The following SPPL3 variants were observed in gnomAD, a reference collection of about 807,000 sequenced individuals.
SPPL3 encodes signal peptide peptidase like 3, also known as signal peptide peptidase-like 3.
In SPPL3, 5 loss-of-function variants were observed where a neutral mutation model predicts 42.4. That is an observed-to-expected ratio of 0.12 (90% CI 0.06 to 0.25). The LOEUF is 0.25. Among genes scored for constraint, SPPL3 ranks in the 10% least tolerant of loss-of-function variants. The pLI, the probability that SPPL3 is intolerant of heterozygous loss-of-function variation, is 1.00. For missense variants in SPPL3, 235 were observed against 489.0 expected, an observed-to-expected ratio of 0.48 and a Z score of 4.90; for synonymous variants, 195 against 181.8, an observed-to-expected ratio of 1.07 and a Z score of -0.58.
chr12:120,777,135 G>A (rs617540), intron 6 of SPPL3, among the ~76,000 whole-genome samples: 5,710 of 152,158 alleles, frequency 0.038, 364 homozygotes, highest in African/African-American at 0.13. Context: ...CAACTTACAT[G>A]CACTGAAAAA....
chr12:120,796,710 G>C (rs1248936686), intron 2 of SPPL3, among the ~76,000 whole-genome samples: 1 of 152,162 alleles, frequency 6.6e-6, no homozygotes, highest in South Asian at 2.1e-4. Flanking sequence ...CTCAGTCTAG[G>C]GTAATTATTC....
chr12:120,852,806 A>ATGATG lies in SPPL3; in HGVS notation c.24-41921_24-41920insCATCA. On this transcript the variant is annotated intron_variant, in intron 1 of 10. Transcript: ENST00000353487. ...TATATTTCATATATCATATATACAT[A>ATGATG]TATGAAATATATATTTCATATAATA... Among the ~76,000 whole-genome samples, 2 of 145,306 alleles carry ATGATG rather than the reference A, an allele frequency of 1.4e-5. 1 individual carries two copies. The highest frequency in any genetic ancestry group is 3.0e-5 in the Non-Finnish European group (2 of 66,210).
rs3834930 is a variant in SPPL3 at position 120,764,318 on chromosome 12, TTATA to T, written c.*677_*680del. 0.063 allele frequency: 9,638 copies of T among 152,028 alleles called. 528 individuals are homozygous for T. The highest frequency in any genetic ancestry group is 0.29 in the East Asian group (1,510 of 5,134). 9.4% of individuals were successfully genotyped at this position (152,028 alleles called of 1,614,324 possible). ...TATTCATATATATCTATGTGTGTGT[TTATA>T]TATATATATGTACGTATGTATAAAA... On this transcript the variant is annotated 3_prime_UTR_variant, in exon 11 of 11. Transcript: ENST00000353487.
At chr12:120,801,120 G>A (rs1870279138) in intron 2 of SPPL3, among the ~76,000 whole-genome samples, 1 of 152,226 alleles carries the variant, frequency 6.6e-6, no homozygotes, top group Non-Finnish European at 1.5e-5. Flanking sequence ...AATATGCATT[G>A]ATGAGGTGGA....
intron 1 of SPPL3, among the ~76,000 whole-genome samples, chr12:120,829,358 G>A (rs1263489172): frequency 6.6e-6 from 1 of 152,188 alleles, no homozygotes; most frequent in African/African-American, 2.4e-5. Context: ...CACTTTGGGA[G>A]GCCACGGCAG....
intron 1 of SPPL3, among the ~76,000 whole-genome samples, chr12:120,881,578 C>A (rs1021544441): frequency 3.4e-5 from 5 of 147,642 alleles, no homozygotes; most frequent in African/African-American, 1.3e-4. Flanking sequence ...GAACTGAAAG[C>A]AGGGTCTCGA....
chr12:120,886,537 C>A (rs1454470757), intron 1 of SPPL3, among the ~76,000 whole-genome samples: 1 of 152,156 alleles, frequency 6.6e-6, no homozygotes, highest in Non-Finnish European at 1.5e-5. Context: ...ACAGTTCCAA[C>A]AGATTTACTT....
chr12:120,846,873 C>T (rs997104831), intron 1 of SPPL3, among the ~76,000 whole-genome samples: 4 of 152,172 alleles, frequency 2.6e-5, no homozygotes, highest in African/African-American at 9.7e-5. Flanking sequence ...AAACACCCAA[C>T]AGAGTTCATG....
At chr12:120,806,596 C>G (rs1175112269) in intron 2 of SPPL3, among the ~76,000 whole-genome samples, 1 of 152,026 alleles carries the variant, frequency 6.6e-6, no homozygotes, top group Non-Finnish European at 1.5e-5. Context: ...CGCCTGTAAT[C>G]CCAGTATTTT....
chr12:120,790,263 G>A (rs1053524106), intron 3 of SPPL3, among the ~76,000 whole-genome samples: 5 of 152,202 alleles, frequency 3.3e-5, no homozygotes, highest in East Asian at 1.9e-4. Context: ...TCGACTTACC[G>A]TCTTTATCAT....
At chr12:120,863,216 T>C (rs1872664614) in intron 1 of SPPL3, among the ~76,000 whole-genome samples, 1 of 151,970 alleles carries the variant, frequency 6.6e-6, no homozygotes, top group South Asian at 2.1e-4. Flanking sequence ...GGTGTGGTGG[T>C]GCATGCCTAT....
chr12:120,781,645 C>G (rs567993272), intron 6 of SPPL3, among the ~76,000 whole-genome samples: 38 of 133,280 alleles, frequency 2.9e-4, no homozygotes, highest in Admixed American at 9.5e-4. Flanking sequence ...TCGATCTTGG[C>G]TCACTGCAAG....
In SPPL3 at chr12:120,767,346, G is replaced by C. The variant is rs749507143; in HGVS notation, c.973+48C>G. 5.1e-6 allele frequency: 8 copies of C among 1,578,272 alleles called. No individual in the cohort carries two copies. In the Middle Eastern group the frequency reaches 9.1e-4, roughly 180 times the overall value. ...AGACCTGATTTAATTCCAAAGGTTG[G>C]AGGACAGCCAGAGCGAGGATCATCT... is the stretch of plus-strand genomic sequence containing the variant. On this transcript the variant is annotated intron_variant, in intron 9 of 10. Transcript: ENST00000353487.
chr12:120,805,996 G>C (rs1870475000), intron 2 of SPPL3, among the ~76,000 whole-genome samples: 1 of 135,718 alleles, frequency 7.4e-6, no homozygotes, highest in Non-Finnish European at 1.6e-5. Context: ...CGAAATCCCT[G>C]CAGGCTTTTT....
chr12:120,841,257 G>A (rs1047117563), intron 1 of SPPL3, among the ~76,000 whole-genome samples: 10 of 151,896 alleles, frequency 6.6e-5, no homozygotes, highest in African/African-American at 2.2e-4. Context: ...CCCGGGAGGC[G>A]GAGGCTGTGG....
intron 10 of SPPL3, 67 bp from the exon 11 acceptor site, chr12:120,765,137 T>TAAA: frequency 8.4e-7 from 1 of 1,196,646 alleles, no homozygotes. Flanking sequence ...TCTGATTCTT[T>TAAA]AAAAAAAAAA....
chr12:120,875,526 G>A (rs1400124113), intron 1 of SPPL3, among the ~76,000 whole-genome samples: 1 of 151,984 alleles, frequency 6.6e-6, no homozygotes, highest in Non-Finnish European at 1.5e-5. Flanking sequence ...CTACTCCAGA[G>A]GCTGAGGCAG....
At chr12:120,867,447 A>G (rs1360787362) in intron 1 of SPPL3, among the ~76,000 whole-genome samples, 1 of 152,136 alleles carries the variant, frequency 6.6e-6, no homozygotes, top group Admixed American at 6.6e-5. Flanking sequence ...TGGGTGGATC[A>G]CAAGGTCAGG....
intron 1 of SPPL3, among the ~76,000 whole-genome samples, chr12:120,848,328 A>C (rs1368263433): frequency 6.6e-6 from 1 of 152,232 alleles, no homozygotes; most frequent in Non-Finnish European, 1.5e-5. Flanking sequence ...CACAGCCATA[A>C]GATCGCACTG....
Sources: allele counts gnomAD v4.1 joint callset (sites outside exome capture counted in the v4.1 genomes callset), GRCh38; gene constraint gnomAD v4.1.1; transcripts MANE v1.5; gene names NCBI Gene and HGNC (gene_info 2026-07-23, HGNC 2026-07-21).